NFASC: variants seen among roughly 807,000 people sequenced by gnomAD.
NFASC encodes neurofascin homolog.
NFASC carries 43 observed loss-of-function variants against 147.5 expected under a neutral mutation model. The observed-to-expected ratio is 0.29, with a 90% confidence interval of 0.23 to 0.38. The LOEUF (loss-of-function observed/expected upper bound fraction) is 0.38. Ranked by LOEUF, NFASC falls within the 10% of genes least tolerant of loss-of-function variation. The pLI is 1.00. For synonymous variants in NFASC, 622 were observed against 665.5 expected, an observed-to-expected ratio of 0.93 and a Z score of 1.01; for missense variants, 1,320 against 1,689.0, an observed-to-expected ratio of 0.78 and a Z score of 3.83.
intron 2 of NFASC, among the ~76,000 whole-genome samples, chr1:204,943,962 T>A (rs2093544502): frequency 6.6e-6 from 1 of 152,166 alleles, no homozygotes; most frequent in Non-Finnish European, 1.5e-5. Flanking sequence ...TGATTGGTAG[T>A]GGTGAAGGGG....
intron 1 of NFASC, chr1:204,870,669 G>C: frequency 3.7e-6 from 4 of 1,078,438 alleles, no homozygotes; most frequent in Non-Finnish European, 4.5e-6. Context: ...AGACCCAGCG[G>C]TGAGCGAGTG....
At position 204,968,630 on chromosome 1, in the gene NFASC, C is replaced by G. The variant is rs1273288422; in HGVS notation, c.819-168C>G. On this transcript the variant is annotated intron_variant, in intron 9 of 29. Transcript: ENST00000339876. The surrounding 1 kb of genome is among the most constrained non-coding windows in gnomAD (Gnocchi z 5.4). ...GGGACCTTAGCTAAGCCTTCAGGCT[C>G]TCTGTGGCTGAGCATCCTCCTCTGC... 3.0e-6 allele frequency: 2 copies of G among 657,008 alleles called. No individual in the cohort carries two copies. The highest frequency in any genetic ancestry group is 5.2e-6 in the Non-Finnish European group (2 of 387,608). The allele number at this position is 657,008 out of a possible 1,614,324, so 40.7% of individuals were successfully genotyped here. A position where few individuals can be genotyped will look rare whatever the true frequency, so the allele number is the denominator to read the frequency against.
intron 27 of NFASC, among the ~76,000 whole-genome samples, chr1:205,003,775 G>A (rs79031827): frequency 0.019 from 2,927 of 152,308 alleles, 91 homozygotes; most frequent in African/African-American, 0.067. Context: ...CTGGCCTGGC[G>A]AGGCTGATCC....
intron 2 of NFASC, among the ~76,000 whole-genome samples, chr1:204,943,413 G>A (rs2093495164): frequency 6.6e-6 from 1 of 152,096 alleles, no homozygotes; most frequent in Non-Finnish European, 1.5e-5. Context: ...TTGTGCTTGA[G>A]GATGAACACT....
At chr1:205,004,643 A>G (rs1377000878) in intron 27 of NFASC, among the ~76,000 whole-genome samples, 1 of 152,194 alleles carries the variant, frequency 6.6e-6, no homozygotes, top group Admixed American at 6.5e-5. Context: ...AAAAATACAC[A>G]TTCTCTTTCC....
At chr1:204,920,960 G>A (rs565352159) in intron 2 of NFASC, among the ~76,000 whole-genome samples, 146 of 152,270 alleles carry the variant, frequency 9.6e-4, no homozygotes, top group African/African-American at 3.4e-3. Context: ...TGAGGGTAGC[G>A]TTTAAGCCTT....
chr1:204,877,295 G>T (rs2103206591), intron 1 of NFASC, among the ~76,000 whole-genome samples: 1 of 151,800 alleles, frequency 6.6e-6, no homozygotes, highest in Admixed American at 6.6e-5. Flanking sequence ...ATTAGGCTCT[G>T]CACACCCAAT....
chr1:204,943,796 T>C (rs1224088178), intron 2 of NFASC, among the ~76,000 whole-genome samples: 1 of 152,216 alleles, frequency 6.6e-6, no homozygotes, highest in Non-Finnish European at 1.5e-5. Flanking sequence ...ACCAGATCGG[T>C]GCATGGCATC....
chr1:204,997,519 C>T (rs776123499), intron 25 of NFASC, 113 bp downstream of exon 25: 61 of 1,167,860 alleles, frequency 5.2e-5, no homozygotes, highest in Admixed American at 8.0e-5. Flanking sequence ...TGGTGTTTGC[C>T]ACCACCTCCC....
intron 1 of NFASC, among the ~76,000 whole-genome samples, chr1:204,860,085 G>C (rs2076529268): frequency 6.6e-6 from 1 of 152,140 alleles, no homozygotes; most frequent in Non-Finnish European, 1.5e-5. Flanking sequence ...GTGGAGAAAA[G>C]AGCCTTATCT....
At chr1:204,877,895 TCTG>T (rs1387758828) in intron 1 of NFASC, among the ~76,000 whole-genome samples, 1 of 152,184 alleles carries the variant, frequency 6.6e-6, no homozygotes, top group Non-Finnish European at 1.5e-5. Context: ...CTGCTCCTCA[TCTG>T]CTGCCCTGTC....
At chr1:204,909,515 G>A (rs965879235) in intron 1 of NFASC, among the ~76,000 whole-genome samples, 1 of 152,192 alleles carries the variant, frequency 6.6e-6, no homozygotes, top group African/African-American at 2.4e-5. Context: ...TTCGTCATAT[G>A]TGTGGTTTCT....
Position 204,979,435 on chromosome 1 carries a change from C to T in NFASC, c.2052C>T (p.Ser684=), listed in dbSNP as rs747902478. 2.3e-5 allele frequency: 37 copies of T among 1,613,954 alleles called. No homozygotes were observed. Among genetic ancestry groups the T allele is most frequent in the South Asian group, 4.4e-5 (4 of 91,080 alleles). Residue 684 remains serine (S), a synonymous_variant, in exon 19 of 30, where the codon AGC becomes AGT. Transcript: ENST00000339876. The surrounding 1 kb of genome is among the most constrained non-coding windows in gnomAD (Gnocchi z 6.0). ...ATGACCATTCCAAGTACCCCGGCAGCGTTAACTCAGCCGTCCTCCGGCTGT... is the reference window on the plus strand; with the variant it reads ...ATGACCATTCCAAGTACCCCGGCAGTGTTAACTCAGCCGTCCTCCGGCTGT... ...VWHDHSKYPG[S]VNSAVLRLSP...
At chr1:204,839,845 G>T (rs985300981) in intron 1 of NFASC, among the ~76,000 whole-genome samples, 10 of 152,196 alleles carry the variant, frequency 6.6e-5, no homozygotes, top group African/African-American at 2.4e-4. Context: ...CTGGCACATG[G>T]AGCCCCATGA....
chr1:204,829,799 G>T (rs1282685325), intron 1 of NFASC, among the ~76,000 whole-genome samples: 1 of 152,102 alleles, frequency 6.6e-6, no homozygotes, highest in Admixed American at 6.5e-5. Flanking sequence ...CCTGCTGGAG[G>T]GCTGGATAAT....
chr1:204,872,888 G>C (rs1435896861), intron 1 of NFASC, among the ~76,000 whole-genome samples: 1 of 152,140 alleles, frequency 6.6e-6, no homozygotes, highest in Non-Finnish European at 1.5e-5. Context: ...AACAACCTAT[G>C]CTATCTTCAT....
At chr1:204,881,912 C>G (rs2080318513) in intron 1 of NFASC, among the ~76,000 whole-genome samples, 1 of 152,150 alleles carries the variant, frequency 6.6e-6, no homozygotes, top group Non-Finnish European at 1.5e-5. Context: ...CTCCACCACT[C>G]CCCAGGTGAT....
chr1:204,915,234 T>C (rs2088892472), intron 1 of NFASC, among the ~76,000 whole-genome samples: 1 of 152,102 alleles, frequency 6.6e-6, no homozygotes, highest in African/African-American at 2.4e-5. Context: ...TGAGCCAAGA[T>C]AGCACCACTG....
Position 204,921,664 on chromosome 1 carries a change from G to A in NFASC, c.-91+924G>A, listed in dbSNP as rs139557189. 3.2e-3 allele frequency among the ~76,000 whole-genome samples: 484 copies of A among 152,250 alleles called. 12 individuals are homozygous for A. The highest frequency in any genetic ancestry group is 0.013 in the East Asian group (65 of 5,174). ...CCACTTGCTTTGTGACCTTGGGAACGCTGAACCCCTCTAGGCCTCAGTTTC... is the reference window on the plus strand; with the variant it reads ...CCACTTGCTTTGTGACCTTGGGAACACTGAACCCCTCTAGGCCTCAGTTTC... On this transcript the variant is annotated intron_variant, in intron 2 of 29. Transcript: ENST00000339876.
Sources: gnomAD v4.1 joint callset for allele counts (sites outside exome capture counted in the v4.1 genomes callset) on GRCh38, gnomAD v4.1.1 for gene constraint, Gnocchi (gnomAD v3.1) non-coding constraint, MANE v1.5 for transcripts, NCBI Gene and HGNC (gene_info 2026-07-23, HGNC 2026-07-21) for gene names.